NOC2L: variants seen among roughly 807,000 people sequenced by gnomAD.
NOC2L encodes the protein nucleolar complex protein 2 homolog.
A neutral mutation model predicts 94.2 loss-of-function variants in NOC2L; 101 were observed. The observed-to-expected ratio is 1.07, with a 90% CI of 0.91 to 1.26. NOC2L has a LOEUF of 1.26. NOC2L is among the 50% of genes most tolerant of loss of function. The pLI, the probability that NOC2L is intolerant of heterozygous loss-of-function variation, is 0.00. For synonymous variants in NOC2L, 531 were observed against 413.4 expected, an observed-to-expected ratio of 1.28 and a Z score of -3.45; for missense variants, 1,076 against 980.1, an observed-to-expected ratio of 1.10 and a Z score of -1.31.
chr1:944,390 A>G lies in NOC2L; in HGVS notation c.*304T>C. Reference sequence around the variant, plus strand: ...GAGGGCAGAGGTGGTGGAAGGGGCCAGGGGCCTGCAGGCCTCCCCCTGGAA... The same window carrying G: ...GAGGGCAGAGGTGGTGGAAGGGGCCGGGGGCCTGCAGGCCTCCCCCTGGAA... On this transcript the variant is annotated 3_prime_UTR_variant, in exon 19 of 19. Coordinates refer to ENST00000327044, the MANE Select transcript of NOC2L (RefSeq NM_015658.4). The G allele has an allele frequency of 4.7e-6, 6 of 1,275,814 alleles. No individual in the cohort carries two copies. Among genetic ancestry groups the G allele is most frequent in the East Asian group, 2.9e-5 (1 of 34,310 alleles). The allele number at this position is 1,275,814 out of a possible 1,614,324, so 79.0% of individuals were successfully genotyped here.
chr1:951,923 G>C (rs1569945264), intron 11 of NOC2L, 77 bp downstream of exon 11: 1 of 1,515,626 alleles, frequency 6.6e-7, no homozygotes, highest in East Asian at 2.3e-5. Flanking sequence ...CTGAACGCCA[G>C]AGGCACCGCC....
In NOC2L at chr1:945,084, C is replaced by T. The variant is rs140866034; in HGVS notation, c.2116G>A (p.Gly706Ser). The change falls in exon 18 of 19, where the codon GGC (glycine) becomes AGC (serine). Residue 706 changes from glycine to serine, a missense_variant. Physicochemically the swap from Gly to Ser is moderately conservative, Grantham distance 56. Transcript: ENST00000327044. ...TCCGAGTTGCTGCTGTCCTCCTCGC[C>T]CTCCTCCTCGTCCTCTTCATCGTCT... is the stretch of plus-strand genomic sequence containing the variant. ...VEDDEEDEEE[G>S]EEDSSNSEDG... 3 of 1,611,946 alleles carry T rather than the reference C, an allele frequency of 1.9e-6. No individual in the cohort carries two copies. The highest frequency in any genetic ancestry group is 2.2e-5 in the East Asian group (1 of 44,862).
chr1:945,392 G>T, intron 17 of NOC2L, 126 bp downstream of exon 17: 1 of 1,227,940 alleles, frequency 8.1e-7, no homozygotes, highest in Non-Finnish European at 1.1e-6. Flanking sequence ...ACTGAGGTTG[G>T]CCCCAGCTGG....
Position 953,166 on chromosome 1 carries a change from C to T in NOC2L, c.1002+9G>A. ...TGCTGAGGGACACAGACGCAGGGCC[C>T]ACCACTACCTTGAGGACGGGGCCAA... On this transcript the variant is annotated intron_variant, in intron 9 of 18. Coordinates refer to ENST00000327044, the MANE Select transcript of NOC2L (RefSeq NM_015658.4). The T allele has an allele frequency of 6.3e-7, 1 of 1,590,156 alleles. No homozygotes were observed. The highest frequency in any genetic ancestry group is 8.6e-7 in the Non-Finnish European group (1 of 1,158,588).
At position 946,174 on chromosome 1, in the gene NOC2L, C is replaced by T. The variant is rs147322750; in HGVS notation, c.1916G>A (p.Arg639Gln). 4.5e-4 allele frequency: 727 copies of T among 1,607,482 alleles called. No individual in the cohort carries two copies. The highest frequency in any genetic ancestry group is 5.9e-4 in the Non-Finnish European group (689 of 1,175,680). Residue 639 changes from arginine (R) to glutamine (Q), a missense_variant and splice_region_variant, in exon 16 of 19, where the codon CGG (arginine) becomes CAG (glutamine). Transcript: ENST00000327044. ...EIQLEISGKE[R>Q]LEDLNFPEIK... ...CCAGGTCCCCTCGCCGAGCCGCACCCGCTCTTTGCCACTGATCTCCAGCTG... is the reference window on the plus strand; with the variant it reads ...CCAGGTCCCCTCGCCGAGCCGCACCTGCTCTTTGCCACTGATCTCCAGCTG...
Position 944,382 on chromosome 1 carries a change from A to G in NOC2L, c.*312T>C, listed in dbSNP as rs1642020856. The G allele has an allele frequency of 6.8e-6, 9 of 1,333,012 alleles. No homozygotes were observed. The highest frequency in any genetic ancestry group is 1.5e-5 in the African/African-American group (1 of 66,298). 82.6% of individuals were successfully genotyped at this position (1,333,012 alleles called of 1,614,324 possible). ...TGCAGACGGAGGGCAGAGGTGGTGG[A>G]AGGGGCCAGGGGCCTGCAGGCCTCC... On this transcript the variant is annotated 3_prime_UTR_variant, in exon 19 of 19. Transcript: ENST00000327044.
At chr1:957,343 T>C in intron 2 of NOC2L, 70 bp from the exon 3 acceptor site, 5 of 1,470,812 alleles carry the variant, frequency 3.4e-6, no homozygotes, top group Non-Finnish European at 4.7e-6. Context: ...GCCTACAGGG[T>C]CAGTCTACTC....
chr1:945,152 G>A lies in NOC2L; in HGVS notation c.2054-6C>T, dbSNP rs750744896. 54 of 1,595,874 alleles carry A rather than the reference G, an allele frequency of 3.4e-5. No homozygotes were observed. Among genetic ancestry groups the A allele is most frequent in the Middle Eastern group, 1.6e-4 (1 of 6,068 alleles). ...GCTCAGGGGCCTCAGTATCCCTGAG[G>A]AACAAGAAGCAGAGTCCATATGACT... On this transcript the variant is annotated splice_polypyrimidine_tract_variant and splice_region_variant and intron_variant, in intron 17 of 18. Coordinates refer to ENST00000327044, the MANE Select transcript of NOC2L (RefSeq NM_015658.4).
intron 8 of NOC2L, 46 bp downstream of exon 8, chr1:953,736 C>A: frequency 1.4e-6 from 2 of 1,403,760 alleles, no homozygotes; most frequent in Non-Finnish European, 2.0e-6. Flanking sequence ...AGCCGTGTGG[C>A]CCCCCGACCC....
chr1:946,445 C>T lies in NOC2L; in HGVS notation c.1760G>A (p.Arg587His), dbSNP rs143216532. ...VQENSAYICS[R>H]RQRVSFGVSE... Reference sequence around the variant, plus strand: ...GACGCCGAAGGAAACCCTCTGGCGGCGGCTGCAGATGTATGCCGAGTTCTC... The same window carrying T: ...GACGCCGAAGGAAACCCTCTGGCGGTGGCTGCAGATGTATGCCGAGTTCTC... Residue 587 changes from arginine (R) to histidine (H), a missense_variant, in exon 15 of 19, where the codon CGC (arginine) becomes CAC (histidine). Coordinates refer to ENST00000327044, the MANE Select transcript of NOC2L (RefSeq NM_015658.4). 954 of 1,613,260 alleles carry T rather than the reference C, an allele frequency of 5.9e-4. 2 individuals are homozygous for T. Among genetic ancestry groups the T allele is most frequent in the Non-Finnish European group, 7.6e-4 (894 of 1,180,024 alleles).
At chr1:945,000 T>C (rs1193239332) in intron 18 of NOC2L, 57 bp downstream of exon 18, 33 of 1,612,086 alleles carry the variant, frequency 2.0e-5, no homozygotes, top group Non-Finnish European at 2.7e-5. Context: ...CACGTGGCTC[T>C]GCCCTCCCGC....
rs764800582 is a variant in NOC2L, at chr1:955,907, C to G, written c.698+16G>C. On this transcript the variant is annotated intron_variant, in intron 6 of 18. Transcript: ENST00000327044. Reference sequence around the variant, plus strand: ...CCACCTTCCACCCTACCCCCCTTCACCCCCTCCCCTCTTACCTGCTGCTAT... The same window carrying G: ...CCACCTTCCACCCTACCCCCCTTCAGCCCCTCCCCTCTTACCTGCTGCTAT... The G allele has an allele frequency of 6.3e-7, 1 of 1,586,662 alleles. No homozygotes were observed. The highest frequency in any genetic ancestry group is 8.7e-7 in the Non-Finnish European group (1 of 1,155,252).
Position 953,778 on chromosome 1 carries a change from G to C in NOC2L, c.888+4C>G, listed in dbSNP as rs13303056. Reference sequence around the variant, plus strand: ...AGACACAGGGAGGGGACTGGGCCACGAACCTTGAGCAGCATGCGGCACTGC... The same window carrying C: ...AGACACAGGGAGGGGACTGGGCCACCAACCTTGAGCAGCATGCGGCACTGC... On this transcript the variant is annotated splice_donor_region_variant and intron_variant, in intron 8 of 18. Coordinates refer to ENST00000327044, the MANE Select transcript of NOC2L (RefSeq NM_015658.4). 0.94 allele frequency: 1,507,256 copies of C among 1,607,098 alleles called. 707,385 individuals are homozygous for C. The highest frequency in any genetic ancestry group is 0.95 in the Non-Finnish European group (1,111,844 of 1,175,888).
chr1:946,095 T>G (rs1168359508), intron 16 of NOC2L, 78 bp downstream of exon 16: 1 of 1,097,026 alleles, frequency 9.1e-7, no homozygotes, highest in Non-Finnish European at 1.4e-6. Flanking sequence ...ACCCTCGCCC[T>G]GGTCTCAAGT....
In NOC2L at chr1:954,032, A is replaced by G. The variant is rs745488135; in HGVS notation, c.749T>C (p.Ile250Thr). 6.2e-7 allele frequency: 1 copy of G among 1,608,122 alleles called. No homozygotes were observed. The highest frequency in any genetic ancestry group is 1.1e-5 in the South Asian group (1 of 90,686). ...SPLWGKLRVD[I>T]KAYLGSAIQL... The stretch of plus-strand genomic sequence containing the variant: ...TATGGCCGAGCCCAGGTAAGCCTTG[A>G]TGTCCACACGAAGCTTCCCCCAGAG... The change falls in exon 7 of 19, where the codon ATC (isoleucine) becomes ACC (threonine). Residue 250 changes from isoleucine to threonine, a missense_variant. Ile to Thr is a moderately conservative substitution (Grantham distance 89). Coordinates refer to ENST00000327044, the MANE Select transcript of NOC2L (RefSeq NM_015658.4).
At chr1:956,641 AAC>A (rs1357428967) in intron 4 of NOC2L, among the ~76,000 whole-genome samples, 5 of 152,180 alleles carry the variant, frequency 3.3e-5, no homozygotes, top group African/African-American at 1.2e-4. Context: ...CCCAAAAGTG[AAC>A]ACACAGTCCT....
Position 952,483 on chromosome 1 carries a change from A to G in NOC2L, c.1120T>C (p.Tyr374His). 1 of 1,613,768 alleles carries G rather than the reference A, an allele frequency of 6.2e-7. No homozygotes were observed. The highest frequency in any genetic ancestry group is 8.5e-7 in the Non-Finnish European group (1 of 1,179,986). The change falls in exon 10 of 19, where the codon TAC becomes CAC. Residue 374 changes from tyrosine (Y) to histidine (H), a missense_variant. Around this residue, in one of 3 missense-constraint regions of NOC2L, gnomAD observed 615 missense variants for 577.4 expected, o/e 1.07. Coordinates refer to ENST00000327044, the MANE Select transcript of NOC2L (RefSeq NM_015658.4). ...CGGATGTAGAGGAAGGCGTGCTGGT[A>G]GGCCACACCCGGCTCCAGGGCCAGC... ...ELLALEPGVA[Y>H]QHAFLYIRQL...
chr1:950,498 C>T (rs1030806847), intron 12 of NOC2L, among the ~76,000 whole-genome samples: 1 of 152,042 alleles, frequency 6.6e-6, no homozygotes, highest in East Asian at 1.9e-4. Context: ...CACTGGTATA[C>T]AAAGACACAT....
intron 14 of NOC2L, 82 bp from the exon 15 acceptor site, chr1:946,627 G>T: frequency 2.0e-6 from 3 of 1,525,730 alleles, no homozygotes; most frequent in Non-Finnish European, 2.7e-6. Context: ...AAAACCACGC[G>T]TGGTGGCCAC....
Sources: gnomAD v4.1 joint callset for allele counts (sites outside exome capture counted in the v4.1 genomes callset) on GRCh38, gnomAD v4.1.1 for gene constraint, gnomAD v4.1.1 regional missense constraint, MANE v1.5 for transcripts, NCBI Gene and HGNC (gene_info 2026-07-23, HGNC 2026-07-21) for gene names.